The following CAMKMT variants were observed in gnomAD, a reference collection of about 807,000 sequenced individuals.
The protein encoded by CAMKMT is CaM KMT.
A neutral mutation model predicts 48.0 loss-of-function variants in CAMKMT; 53 were observed. The ratio of observed to expected loss-of-function variants is 1.10; its 90% CI spans 0.89 to 1.39. The LOEUF is 1.39. Ranked by LOEUF, CAMKMT falls within the 40% of genes most tolerant of loss-of-function variation. CAMKMT has a pLI of 0.00. For missense variants in CAMKMT, 428 were observed against 402.7 expected (o/e 1.06, Z -0.54); for synonymous variants, 165 against 152.3 (o/e 1.08, Z -0.61).
chr2:44,574,395 C>A (rs575476499), intron 3 of CAMKMT, among the ~76,000 whole-genome samples: 1 of 152,196 alleles, frequency 6.6e-6, no homozygotes, highest in African/African-American at 2.4e-5. Context: ...TGATATCTAG[C>A]CCTAGGCAGA....
intron 3 of CAMKMT, among the ~76,000 whole-genome samples, chr2:44,661,622 T>A (rs190085446): frequency 1.3e-5 from 2 of 152,328 alleles, no homozygotes; most frequent in African/African-American, 4.8e-5. Context: ...TGTGATAGAA[T>A]CTCCGTTACA....
intron 7 of CAMKMT, among the ~76,000 whole-genome samples, chr2:44,718,237 C>T (rs1678276010): frequency 6.6e-6 from 1 of 152,184 alleles, no homozygotes; most frequent in African/African-American, 2.4e-5. Context: ...AGCTACCAAA[C>T]TTTCCTGCTC....
chr2:44,548,784 C>T (rs973454338), intron 3 of CAMKMT, among the ~76,000 whole-genome samples: 1 of 152,064 alleles, frequency 6.6e-6, no homozygotes, highest in South Asian at 2.1e-4. Flanking sequence ...ATGGGGACCT[C>T]AATTCTACAG....
chr2:44,661,347 G>A (rs1057493432), intron 3 of CAMKMT, among the ~76,000 whole-genome samples: 1 of 118,840 alleles, frequency 8.4e-6, no homozygotes, highest in Admixed American at 1.2e-4. Context: ...ACGGAGTCTC[G>A]CTCAGCTGCC....
At chr2:44,370,151 A>G (rs1399672559) in intron 1 of CAMKMT, 2 of 152,174 alleles carry the variant, frequency 1.3e-5, no homozygotes, top group Non-Finnish European at 2.9e-5. Flanking sequence ...ACGTTGGGCA[A>G]ATTGCTTAAC....
chr2:44,407,973 CTTAA>C (rs2104466112), intron 3 of CAMKMT, among the ~76,000 whole-genome samples: 1 of 150,286 alleles, frequency 6.7e-6, no homozygotes, highest in African/African-American at 2.5e-5. Context: ...ATCAGGGAAA[CTTAA>C]TTGAGGCCTG....
At chr2:44,451,918 G>T (rs1558626254) in intron 3 of CAMKMT, among the ~76,000 whole-genome samples, 1 of 150,088 alleles carries the variant, frequency 6.7e-6, no homozygotes, top group African/African-American at 2.4e-5. Flanking sequence ...TTCCATTTTT[G>T]AAAAAAAACC....
intron 3 of CAMKMT, among the ~76,000 whole-genome samples, chr2:44,516,713 C>A (rs1572695563): frequency 6.8e-6 from 1 of 146,792 alleles, no homozygotes; most frequent in African/African-American, 2.5e-5. Context: ...ATAGTTTAAT[C>A]TTTCTAATTA....
chr2:44,713,132 G>C (rs1340690122), intron 6 of CAMKMT, among the ~76,000 whole-genome samples: 1 of 152,010 alleles, frequency 6.6e-6, no homozygotes, highest in African/African-American at 2.4e-5. Context: ...TGACCACCTG[G>C]AGTCACAGGT....
At chr2:44,460,403 A>G (rs1469703346) in intron 3 of CAMKMT, among the ~76,000 whole-genome samples, 2 of 152,214 alleles carry the variant, frequency 1.3e-5, no homozygotes, top group Admixed American at 1.3e-4. Flanking sequence ...AAAGTAACAA[A>G]GTCTTAAAAA....
intron 8 of CAMKMT, among the ~76,000 whole-genome samples, chr2:44,748,905 A>C (rs1218824195): frequency 6.6e-6 from 1 of 152,210 alleles, no homozygotes; most frequent in Non-Finnish European, 1.5e-5. Context: ...AGACATACTT[A>C]TAGTTTGATT....
chr2:44,703,756 G>A (rs1273887316), intron 3 of CAMKMT, among the ~76,000 whole-genome samples: 1 of 132,506 alleles, frequency 7.5e-6, no homozygotes, highest in African/African-American at 2.9e-5. Context: ...CCAGCCTGGC[G>A]ACAGAGCAAG....
chr2:44,662,110 AG>A (rs1487370521), intron 3 of CAMKMT, among the ~76,000 whole-genome samples: 1 of 152,216 alleles, frequency 6.6e-6, no homozygotes, highest in African/African-American at 2.4e-5. Flanking sequence ...TCCACACTAT[AG>A]TACCTCAAGT....
chr2:44,559,065 A>T (rs1668185681), intron 3 of CAMKMT, among the ~76,000 whole-genome samples: 1 of 152,182 alleles, frequency 6.6e-6, no homozygotes, highest in Non-Finnish European at 1.5e-5. Flanking sequence ...CTAGAATCCA[A>T]AATAAAATTA....
At chr2:44,597,913 T>G (rs918959943) in intron 3 of CAMKMT, among the ~76,000 whole-genome samples, 4 of 152,086 alleles carry the variant, frequency 2.6e-5, no homozygotes, top group Non-Finnish European at 4.4e-5. Context: ...ATTTTTGTGT[T>G]TTTAGTAGAG....
intron 3 of CAMKMT, among the ~76,000 whole-genome samples, chr2:44,444,017 A>G (rs1005795902): frequency 1.3e-5 from 2 of 152,226 alleles, no homozygotes; most frequent in African/African-American, 4.8e-5. Context: ...GTATGCTGGA[A>G]AAATTCCATT....
At chr2:44,527,791 C>CCT (rs1666240625) in intron 3 of CAMKMT, among the ~76,000 whole-genome samples, 2 of 132,898 alleles carry the variant, frequency 1.5e-5, no homozygotes, top group Non-Finnish European at 3.3e-5. Flanking sequence ...TACAGCCCCC[C>CCT]CCCCCATTAT....
intron 3 of CAMKMT, among the ~76,000 whole-genome samples, chr2:44,439,790 T>TAAATAAATA (rs1666528271): frequency 1.3e-5 from 1 of 75,448 alleles, no homozygotes; most frequent in Non-Finnish European, 2.2e-5. Context: ...TCTCATAAAA[T>TAAATAAATA]AAATAAATAA....
intron 3 of CAMKMT, among the ~76,000 whole-genome samples, chr2:44,587,203 T>C (rs144613036): frequency 6.6e-6 from 1 of 152,348 alleles, no homozygotes; most frequent in Non-Finnish European, 1.5e-5. Flanking sequence ...TGATGAGAAC[T>C]GCATTGAATC....
Sources: allele counts gnomAD v4.1 joint callset (sites outside exome capture counted in the v4.1 genomes callset), GRCh38; gene constraint gnomAD v4.1.1; transcripts MANE v1.5; gene names NCBI Gene and HGNC (gene_info 2026-07-23, HGNC 2026-07-21).